ALDH3A1: variants seen among roughly 807,000 people sequenced by gnomAD.
ALDH3A1 encodes the protein aldehyde dehydrogenase, dimeric NADP-preferring.
In ALDH3A1, 46 loss-of-function variants were observed where a neutral mutation model predicts 49.9. That is an observed-to-expected ratio of 0.92 (90% CI 0.73 to 1.18). The LOEUF (loss-of-function observed/expected upper bound fraction) is 1.18. ALDH3A1 is among the 50% of genes most tolerant of loss of function. The probability of loss-of-function intolerance (pLI) is 0.00; values close to 1 mark genes in which losing one functional copy is unlikely to be tolerated. For synonymous variants in ALDH3A1, 269 were observed against 253.3 expected (o/e 1.06, Z -0.59); for missense variants, 592 against 611.8 (o/e 0.97, Z 0.34).
At chr17:19,744,336 G>C (rs1459723701) in intron 2 of ALDH3A1, 2 of 851,868 alleles carry the variant, frequency 2.3e-6, no homozygotes, top group African/African-American at 3.7e-5. Flanking sequence ...CCGGGAGGCG[G>C]AGGTTGCAGT....
At position 19,740,445 on chromosome 17, in the gene ALDH3A1, C is replaced by A; in HGVS notation, c.840G>T (p.Arg280=). Residue 280 remains arginine, a synonymous_variant, in exon 7 of 11, where the codon CGG becomes CGT. Coordinates refer to ENST00000225740, the MANE Select transcript of ALDH3A1 (RefSeq NM_000691.5). ...EFYGEDAKKS[R]DYGRIISARH... ...GGGCACTAATGATTCTTCCATAGTC[C>A]CGGGATTTCTTAGCATCTTCCCCGT... 6.2e-7 allele frequency: 1 copy of A among 1,614,092 alleles called. No individual in the cohort carries two copies. Among genetic ancestry groups the A allele is most frequent in the South Asian group, 1.1e-5 (1 of 91,082 alleles).
In ALDH3A1 at chr17:19,742,762, C is replaced by T. The variant is rs372030724; in HGVS notation, c.395-132G>A. ...AGTGGATGGAAGAGTTGTTAGCAAA[C>T]AAGCACATGTCACGGGGCACACCCA... On this transcript the variant is annotated intron_variant, in intron 3 of 10. Coordinates refer to ENST00000225740, the MANE Select transcript of ALDH3A1 (RefSeq NM_000691.5). The T allele has an allele frequency of 8.4e-6, 13 of 1,549,344 alleles. No individual in the cohort carries two copies. In the African/African-American group the frequency reaches 1.5e-4, roughly 18 times the overall value.
At chr17:19,742,781 A>G in intron 3 of ALDH3A1, 151 bp from the exon 4 acceptor site, 1 of 1,538,746 alleles carries the variant, frequency 6.5e-7, no homozygotes. Context: ...GTCACGGGGC[A>G]CACCCAGGAG....
In ALDH3A1 at chr17:19,738,407, A is replaced by C; in HGVS notation, c.1263T>G (p.Thr421=). 6.2e-7 allele frequency: 1 copy of C among 1,613,712 alleles called. No individual in the cohort carries two copies. Among genetic ancestry groups the C allele is most frequent in the Non-Finnish European group, 8.5e-7 (1 of 1,179,768 alleles). ...CCAGGCAAGAGCGGCGGTGAGAGAAAGTCTCGAAGCTCTTCTTGCCATGGT... is the reference window on the plus strand; with the variant it reads ...CCAGGCAAGAGCGGCGGTGAGAGAACGTCTCGAAGCTCTTCTTGCCATGGT... The part of the protein sequence containing the change: ...GSYHGKKSFE[T]FSHRRSCLVR... Residue 421 remains threonine, a synonymous_variant, in exon 10 of 11, where the codon ACT becomes ACG. Coordinates refer to ENST00000225740, the MANE Select transcript of ALDH3A1 (RefSeq NM_000691.5).
Position 19,738,482 on chromosome 17 carries a change from A to G in ALDH3A1, c.1217-29T>C, listed in dbSNP as rs140993882. On this transcript the variant is annotated intron_variant, in intron 9 of 10. Transcript: ENST00000225740. ...CGGAGGAGAAGTAAGCACAGGGCTC[A>G]GCATCCTGCCCCCAGGACGCCCCAG... 4.5e-4 allele frequency: 720 copies of G among 1,596,416 alleles called. 3 individuals are homozygous for G. The African/African-American group carries it at 8.9e-3, about 20-fold the overall frequency.
chr17:19,739,764 T>G lies in ALDH3A1; in HGVS notation c.950-90A>C, dbSNP rs2086457456. 9.5e-6 allele frequency: 14 copies of G among 1,470,350 alleles called. No homozygotes were observed. The East Asian group carries it at 3.3e-4, about 35-fold the overall frequency. The allele number at this position is 1,470,350 out of a possible 1,614,324, so 91.1% of individuals were successfully genotyped here. A position where few individuals can be genotyped will look rare whatever the true frequency, so the allele number is the denominator to read the frequency against. ...CACCTAGACCCCTGCTCCAACCCTT[T>G]TCCAGGCAAACCTGCCCAGGCTTGG... On this transcript the variant is annotated intron_variant, in intron 7 of 10. Transcript: ENST00000225740.
chr17:19,740,551 C>A (rs748026789), intron 6 of ALDH3A1, 74 bp from the exon 7 acceptor site: 7 of 1,533,516 alleles, frequency 4.6e-6, no homozygotes, highest in Non-Finnish European at 6.2e-6. Flanking sequence ...CAGACACAGG[C>A]CAGCAGTGTC....
chr17:19,738,222 C>T lies in ALDH3A1; in HGVS notation c.1361G>A (p.Ter454=), dbSNP rs1347568174. The change falls in exon 11 of 11, where the codon TGA becomes TAA. Residue 454 remains the stop codon, a stop_retained_variant. Coordinates refer to ENST00000225740, the MANE Select transcript of ALDH3A1 (RefSeq NM_000691.5). ...CAGGCCAGGCGGAGCAACCCCTCCT[C>T]AGTGCTGGGTCATCTGTGAAAGGGA... ...PPSPAKMTQH[*] 1 of 1,613,934 alleles carries T rather than the reference C, an allele frequency of 6.2e-7. No homozygotes were observed. The highest frequency in any genetic ancestry group is 1.3e-5 in the African/African-American group (1 of 74,928).
rs1399651643 is a variant in ALDH3A1, at chr17:19,745,070, G to T, written c.60C>A (p.Thr20=). 9.4e-6 allele frequency: 15 copies of T among 1,595,374 alleles called. No individual in the cohort carries two copies. The highest frequency in any genetic ancestry group is 1.3e-5 in the Non-Finnish European group (15 of 1,177,486). ...GCTGGATCCGGAACTGCAGCGGACGGGTCCTGCCCGAGCTGAAGGCGGCGC... is the reference window on the plus strand; with the variant it reads ...GCTGGATCCGGAACTGCAGCGGACGTGTCCTGCCCGAGCTGAAGGCGGCGC... ...RARAAFSSGR[T]RPLQFRIQQL... is the part of the protein sequence containing the mutation. The change falls in exon 2 of 11, where the codon ACC becomes ACA. Residue 20 remains threonine (T), a synonymous_variant. Coordinates refer to ENST00000225740, the MANE Select transcript of ALDH3A1 (RefSeq NM_000691.5).
chr17:19,739,961 CTT>C (rs2086460395), intron 7 of ALDH3A1, among the ~76,000 whole-genome samples: 1 of 152,218 alleles, frequency 6.6e-6, no homozygotes, highest in Admixed American at 6.5e-5. Context: ...CCAGAATTCT[CTT>C]GTCTCCTTGA....
intron 2 of ALDH3A1, chr17:19,744,509 G>C: frequency 1.0e-6 from 1 of 985,468 alleles, no homozygotes; most frequent in Non-Finnish European, 1.2e-6. Context: ...TGTGGGGACA[G>C]CAGGGGGCTG....
chr17:19,743,954 G>T lies in ALDH3A1; in HGVS notation c.163-491C>A. On this transcript the variant is annotated intron_variant, in intron 2 of 10. Transcript: ENST00000225740. This position sits in a 1 kb window ranked among gnomAD's most constrained non-coding sequence, Gnocchi z 4.4. ...CGCTCAGGGCCTCCTGTGGGGAGCA[G>T]GGGTGAGAAGAGGAGATGCAGACGG... 1.0e-6 allele frequency: 1 copy of T among 985,392 alleles called. No homozygotes were observed. The highest frequency in any genetic ancestry group is 1.2e-6 in the Non-Finnish European group (1 of 829,914). The allele number at this position is 985,392 out of a possible 1,614,324, so 61.0% of individuals were successfully genotyped here.
chr17:19,739,553 C>A lies in ALDH3A1; in HGVS notation c.1071G>T (p.Gln357His). 1.2e-6 allele frequency: 2 copies of A among 1,613,254 alleles called. No homozygotes were observed. The highest frequency in any genetic ancestry group is 1.1e-5 in the South Asian group (1 of 90,688). The stretch of plus-strand genomic sequence containing the variant: ...TGTAGAGGGCCAGGGGCTTCTCACG[C>A]TGGTTGATGAACTGGATGGCCTCCT... The part of the protein sequence containing the change: ...SLEEAIQFIN[Q>H]REKPLALYMF... Residue 357 changes from glutamine (Q) to histidine (H), a missense_variant, in exon 8 of 11, where the codon CAG (glutamine) becomes CAT (histidine). Physicochemically the swap from Gln to His is conservative, Grantham distance 24. Transcript: ENST00000225740.
Position 19,741,993 on chromosome 17 carries a change from G to A in ALDH3A1, c.689+11C>T, listed in dbSNP as rs374230530. On this transcript the variant is annotated intron_variant, in intron 5 of 10. Coordinates refer to ENST00000225740, the MANE Select transcript of ALDH3A1 (RefSeq NM_000691.5). The stretch of plus-strand genomic sequence containing the variant: ...AAGGACTGCTGCAGCCAGCAGGCCC[G>A]TGCCTCTCACCGGCAGGCCACGTCC... 3.3e-5 allele frequency: 53 copies of A among 1,613,324 alleles called. No homozygotes were observed. The Admixed American group carries it at 3.7e-4, about 11-fold the overall frequency.
chr17:19,742,269 G>C, intron 4 of ALDH3A1, 57 bp from the exon 5 acceptor site: 2 of 1,567,770 alleles, frequency 1.3e-6, no homozygotes, highest in Non-Finnish European at 1.8e-6. Flanking sequence ...CCTCGCTCTT[G>C]CAAGTGTGGG....
rs777078271 is a variant in ALDH3A1, at chr17:19,739,492, C to G, written c.1116+16G>C. On this transcript the variant is annotated intron_variant, in intron 8 of 10. Coordinates refer to ENST00000225740, the MANE Select transcript of ALDH3A1 (RefSeq NM_000691.5). ...CCCAGGACCCTGGCAGAGGGCACCC[C>G]AGGCCCACCACCCACCTTGTCGTTG... 1 of 1,601,830 alleles carries G rather than the reference C, an allele frequency of 6.2e-7. No homozygotes were observed. The highest frequency in any genetic ancestry group is 8.5e-7 in the Non-Finnish European group (1 of 1,175,058).
intron 7 of ALDH3A1, 24 bp from the exon 8 acceptor site, chr17:19,739,698 T>C (rs751684503): frequency 6.2e-6 from 10 of 1,611,928 alleles, no homozygotes; most frequent in Non-Finnish European, 8.5e-6. Context: ...CAAGCCAGAG[T>C]TGGACGGCGC....
At chr17:19,738,652 G>T in intron 9 of ALDH3A1, 199 bp from the exon 10 acceptor site, 2 of 785,918 alleles carry the variant, frequency 2.5e-6, no homozygotes, top group Non-Finnish European at 4.0e-6. Context: ...GGCCTCCTGA[G>T]GGTGGCCAAT....
intron 7 of ALDH3A1, 110 bp from the exon 8 acceptor site, chr17:19,739,784 G>T: frequency 2.2e-6 from 3 of 1,370,196 alleles, no homozygotes; most frequent in Non-Finnish European, 3.0e-6. Flanking sequence ...ACCTGCCCAG[G>T]CTTGGAAAAG....
Sources: gnomAD v4.1 joint callset for allele counts (sites outside exome capture counted in the v4.1 genomes callset) on GRCh38, gnomAD v4.1.1 for gene constraint, Gnocchi (gnomAD v3.1) non-coding constraint, MANE v1.5 for transcripts, NCBI Gene and HGNC (gene_info 2026-07-23, HGNC 2026-07-21) for gene names.